CLDN10: variants seen among roughly 807,000 people sequenced by gnomAD.
CLDN10 encodes claudin-10.
In CLDN10, 15 loss-of-function variants were observed where a neutral mutation model predicts 22.9. The ratio of observed to expected loss-of-function variants is 0.65; its 90% CI spans 0.44 to 1.01. CLDN10 has a LOEUF of 1.01. Among genes scored for constraint, CLDN10 ranks in the 50% least tolerant of loss-of-function variants. The pLI, the probability that CLDN10 is intolerant of heterozygous loss-of-function variation, is 0.00. For synonymous variants in CLDN10, 114 were observed against 111.4 expected (o/e 1.02, Z -0.15); for missense variants, 247 against 287.8 (o/e 0.86, Z 1.03).
chr13:95,573,720 T>TGTGG (rs1491122179), intron 3 of CLDN10, among the ~76,000 whole-genome samples: 11 of 3,178 alleles, frequency 3.5e-3, no homozygotes, highest in Non-Finnish European at 9.4e-3. Flanking sequence ...TTTTTATTTG[T>TGTGG]GTGTGTGTGT....
At chr13:95,498,390 C>G (rs1296835657) in intron 1 of CLDN10, among the ~76,000 whole-genome samples, 1 of 152,030 alleles carries the variant, frequency 6.6e-6, no homozygotes, top group Admixed American at 6.6e-5. Flanking sequence ...GGGTGATATA[C>G]TCTTTTTTCT....
chr13:95,521,392 T>G (rs1239362979), intron 1 of CLDN10, among the ~76,000 whole-genome samples: 1 of 152,174 alleles, frequency 6.6e-6, no homozygotes, highest in Non-Finnish European at 1.5e-5. Flanking sequence ...AAATCATGAG[T>G]GGGAGTCAAA....
At chr13:95,524,916 AT>A (rs889082819) in intron 1 of CLDN10, among the ~76,000 whole-genome samples, 2 of 151,004 alleles carry the variant, frequency 1.3e-5, no homozygotes, top group Admixed American at 6.6e-5. Flanking sequence ...CTGGAGTGCA[AT>A]GGCGAGATCT....
In CLDN10 at chr13:95,578,918, G is replaced by C. The variant is rs2043976053; in HGVS notation, c.*904G>C. 6.6e-6 allele frequency: 1 copy of C among 152,204 alleles called. No individual in the cohort carries two copies. Among genetic ancestry groups the C allele is most frequent in the South Asian group, 2.1e-4 (1 of 4,822 alleles). 9.4% of individuals were successfully genotyped at this position (152,204 alleles called of 1,614,324 possible). A position where few individuals can be genotyped will look rare whatever the true frequency, so the allele number is the denominator to read the frequency against. ...GTCATGTGGCACATCCATGTTAAGGGGCTGAGGCGTCCCTGGCACGGAATG... is the reference window on the plus strand; with the variant it reads ...GTCATGTGGCACATCCATGTTAAGGCGCTGAGGCGTCCCTGGCACGGAATG... On this transcript the variant is annotated 3_prime_UTR_variant, in exon 5 of 5. Coordinates refer to ENST00000299339, the MANE Select transcript of CLDN10 (RefSeq NM_006984.5).
At chr13:95,470,420 A>C (rs943932656) in intron 1 of CLDN10, among the ~76,000 whole-genome samples, 1 of 152,136 alleles carries the variant, frequency 6.6e-6, no homozygotes, top group Admixed American at 6.5e-5. Flanking sequence ...GCTGGATGAG[A>C]GACCTGTATT....
Position 95,527,775 on chromosome 13 carries a change from A to T in CLDN10, c.215-32357A>T, listed in dbSNP as rs151286960. 6.3e-3 allele frequency among the ~76,000 whole-genome samples: 967 copies of T among 152,296 alleles called. 4 individuals are homozygous for T. The highest frequency in any genetic ancestry group is 8.2e-3 in the Non-Finnish European group (558 of 68,026). On this transcript the variant is annotated intron_variant, in intron 1 of 4. Transcript: ENST00000376873. ...CAAAAATAAATAAATAAACAAAATT[A>T]AAAAACTCTGTGGCGAGTGTATATC...
At chr13:95,547,529 C>T (rs1156862998) in intron 1 of CLDN10, among the ~76,000 whole-genome samples, 1 of 152,178 alleles carries the variant, frequency 6.6e-6, no homozygotes, top group Admixed American at 6.5e-5. Flanking sequence ...TACTAAGCAT[C>T]CACTACATTC....
At chr13:95,489,593 G>A (rs1174060072) in intron 1 of CLDN10, among the ~76,000 whole-genome samples, 1 of 151,882 alleles carries the variant, frequency 6.6e-6, no homozygotes, top group African/African-American at 2.4e-5. Context: ...ACTCATTTGA[G>A]CTTGTTGTAT....
chr13:95,508,080 C>A (rs1447061686), intron 1 of CLDN10, among the ~76,000 whole-genome samples: 1 of 151,662 alleles, frequency 6.6e-6, no homozygotes, highest in Non-Finnish European at 1.5e-5. Context: ...AGAGCATGAC[C>A]CTGTCTTAAA....
intron 1 of CLDN10, among the ~76,000 whole-genome samples, chr13:95,450,464 G>T (rs1391503924): frequency 6.6e-6 from 1 of 152,132 alleles, no homozygotes; most frequent in Non-Finnish European, 1.5e-5. Flanking sequence ...CCAGTAGGGT[G>T]GCAGCACATT....
At chr13:95,468,562 C>T (rs966539246) in intron 1 of CLDN10, among the ~76,000 whole-genome samples, 3 of 152,112 alleles carry the variant, frequency 2.0e-5, no homozygotes, top group Admixed American at 1.3e-4. Context: ...CCCATCTCTA[C>T]TAAAAATACA....
chr13:95,491,683 T>G (rs1173874278), intron 1 of CLDN10, among the ~76,000 whole-genome samples: 1 of 152,284 alleles, frequency 6.6e-6, no homozygotes, highest in East Asian at 1.9e-4. Context: ...GGATTTCTTC[T>G]TGGTTTGGAT....
intron 1 of CLDN10, among the ~76,000 whole-genome samples, chr13:95,476,391 T>C (rs1381418719): frequency 6.6e-6 from 1 of 151,788 alleles, no homozygotes; most frequent in Non-Finnish European, 1.5e-5. Flanking sequence ...CACAGGTGAG[T>C]CTTCTCTCTG....
At chr13:95,574,169 C>T (rs967928812) in intron 3 of CLDN10, among the ~76,000 whole-genome samples, 2 of 151,944 alleles carry the variant, frequency 1.3e-5, no homozygotes, top group African/African-American at 4.8e-5. Flanking sequence ...TGAATAGTGC[C>T]GCAATAAACA....
intron 1 of CLDN10, among the ~76,000 whole-genome samples, chr13:95,488,049 G>T (rs1046233140): frequency 6.6e-6 from 1 of 151,330 alleles, no homozygotes; most frequent in Admixed American, 6.6e-5. Flanking sequence ...GCAGTGGCGT[G>T]ATCTCGACTC....
At chr13:95,444,921 G>A (rs35449330) in intron 1 of CLDN10, among the ~76,000 whole-genome samples, 7,158 of 152,232 alleles carry the variant, frequency 0.047, 183 homozygotes, top group Non-Finnish European at 0.063. Context: ...CAGCACAGAT[G>A]TGCATCACCA....
chr13:95,572,909 C>A (rs2138682079), intron 3 of CLDN10, among the ~76,000 whole-genome samples: 2 of 152,260 alleles, frequency 1.3e-5, no homozygotes, highest in Admixed American at 1.3e-4. Context: ...GCCAGGAAGA[C>A]AAAAGCAGGA....
intron 1 of CLDN10, among the ~76,000 whole-genome samples, chr13:95,481,390 C>T (rs868385484): frequency 5.3e-5 from 8 of 152,306 alleles, no homozygotes; most frequent in African/African-American, 1.9e-4. Context: ...GGATCTGAAT[C>T]AGTAGGTCTA....
At chr13:95,572,242 T>TC (rs2043872793) in intron 3 of CLDN10, among the ~76,000 whole-genome samples, 1 of 152,134 alleles carries the variant, frequency 6.6e-6, no homozygotes, top group Non-Finnish European at 1.5e-5. Flanking sequence ...ACAACTCCGA[T>TC]CTTTCTGAAA....
Sources: gnomAD v4.1 joint callset for allele counts (sites outside exome capture counted in the v4.1 genomes callset) on GRCh38, gnomAD v4.1.1 for gene constraint, MANE v1.5 for transcripts, NCBI Gene and HGNC (gene_info 2026-07-23, HGNC 2026-07-21) for gene names.